The following ATG9A variants were observed in gnomAD, a reference collection of about 807,000 sequenced individuals.
The protein encoded by ATG9A is autophagy-related protein 9A.
In ATG9A, 21 loss-of-function variants were observed where a neutral mutation model predicts 87.1. That is an observed-to-expected ratio of 0.24 (90% CI 0.17 to 0.35). The LOEUF is 0.35. Among genes scored for constraint, ATG9A ranks in the 10% least tolerant of loss-of-function variants. The pLI is 1.00. For synonymous variants in ATG9A, 422 were observed against 441.3 expected (o/e 0.96, Z 0.55); for missense variants, 836 against 1,107.3 (o/e 0.76, Z 3.48).
chr2:219,220,967 G>C (rs1250207349), intron 14 of ATG9A, 75 bp from the exon 15 acceptor site: 1 of 1,596,760 alleles, frequency 6.3e-7, no homozygotes, highest in Non-Finnish European at 8.6e-7. Flanking sequence ...GGGGCTGCTT[G>C]GGGGGTGAGT....
chr2:219,221,377 C>A lies in ATG9A; in HGVS notation c.2146-75G>T, dbSNP rs1367330194. On this transcript the variant is annotated intron_variant, in intron 13 of 15. Coordinates refer to ENST00000361242, the MANE Select transcript of ATG9A (RefSeq NM_001077198.3). ...AAACAGCTGCCCTCCAACCTGGTAT[C>A]AGTCAGTTCCCGCTTTACCCCTTCC... The A allele has an allele frequency of 4.4e-6, 6 of 1,369,668 alleles. No individual in the cohort carries two copies. In the African/African-American group the frequency reaches 8.8e-5, roughly 20 times the overall value. 84.8% of individuals were successfully genotyped at this position (1,369,668 alleles called of 1,614,324 possible). A position where few individuals can be genotyped will look rare whatever the true frequency, so the allele number is the denominator to read the frequency against.
At chr2:219,221,655 G>A (rs570605502) in intron 13 of ATG9A, among the ~76,000 whole-genome samples, 4 of 152,152 alleles carry the variant, frequency 2.6e-5, no homozygotes, top group Non-Finnish European at 1.5e-5. Context: ...ACTGGTAGAG[G>A]AGATATGGAA....
At position 219,223,645 on chromosome 2, in the gene ATG9A, A is replaced by G; in HGVS notation, c.1539T>C (p.Val513=). 6.2e-7 allele frequency: 1 copy of G among 1,613,852 alleles called. No homozygotes were observed. Among genetic ancestry groups the G allele is most frequent in the Non-Finnish European group, 8.5e-7 (1 of 1,179,960 alleles). Residue 513 remains valine (V), a synonymous_variant, in exon 10 of 16, where the codon GTT becomes GTC. Transcript: ENST00000361242. This position sits in a 1 kb window ranked among gnomAD's most constrained non-coding sequence, Gnocchi z 4.7. ...CAAAGGAGCAGGTATCTCCCACACC[A>G]ACGACCTCCACGGTGAAGTTTCGGA... ...DFFRNFTVEV[V]GVGDTCSFAQ... is the part of the protein sequence containing the mutation.
At position 219,223,548 on chromosome 2, in the gene ATG9A, T is replaced by A. The variant is rs1283673808; in HGVS notation, c.1599+37A>T. 7 of 1,560,272 alleles carry A rather than the reference T, an allele frequency of 4.5e-6. No individual in the cohort carries two copies. Among genetic ancestry groups the A allele is most frequent in the Non-Finnish European group, 6.1e-6 (7 of 1,153,932 alleles). Reference sequence around the variant, plus strand: ...CCCAAAGACACTGTATGTTCCAGCATCATCCCAGGCCACCTGGCTCCCTCC... The same window carrying A: ...CCCAAAGACACTGTATGTTCCAGCAACATCCCAGGCCACCTGGCTCCCTCC... On this transcript the variant is annotated intron_variant, in intron 10 of 15. Transcript: ENST00000361242. The surrounding 1 kb of genome is among the most constrained non-coding windows in gnomAD (Gnocchi z 4.7).
chr2:219,223,516 C>T lies in ATG9A; in HGVS notation c.1599+69G>A, dbSNP rs1950805699. ...GTGACTCAGGAGAGGTGTCTTTTTG[C>T]GGTTTTCCCAAAGACACTGTATGTT... On this transcript the variant is annotated intron_variant, in intron 10 of 15. Coordinates refer to ENST00000361242, the MANE Select transcript of ATG9A (RefSeq NM_001077198.3). This position sits in a 1 kb window ranked among gnomAD's most constrained non-coding sequence, Gnocchi z 4.7. 1.0e-5 allele frequency: 15 copies of T among 1,489,548 alleles called. No individual in the cohort carries two copies. Among genetic ancestry groups the T allele is most frequent in the African/African-American group, 4.2e-5 (3 of 71,164 alleles). 92.3% of individuals were successfully genotyped at this position (1,489,548 alleles called of 1,614,324 possible). A position where few individuals can be genotyped will look rare whatever the true frequency, so the allele number is the denominator to read the frequency against.
Position 219,229,561 on chromosome 2 carries a change from C to G in ATG9A, c.-108G>C, listed in dbSNP as rs376296382. 7.9e-5 allele frequency: 12 copies of G among 152,810 alleles called. No homozygotes were observed. Among genetic ancestry groups the G allele is most frequent in the African/African-American group, 2.9e-4 (12 of 41,546 alleles). The allele number at this position is 152,810 out of a possible 1,614,324, so 9.5% of individuals were successfully genotyped here. The stretch of plus-strand genomic sequence containing the variant: ...TCAGGAACAGCGACCCGGGTGATTC[C>G]AGAGGCTCCGCCGGCTCCGCTCGGC... On this transcript the variant is annotated 5_prime_UTR_variant, in exon 1 of 16. Transcript: ENST00000361242. This position sits in a 1 kb window ranked among gnomAD's most constrained non-coding sequence, Gnocchi z 4.2.
chr2:219,226,367 G>T (rs1320724066), intron 5 of ATG9A, among the ~76,000 whole-genome samples: 2 of 152,236 alleles, frequency 1.3e-5, no homozygotes, highest in Admixed American at 1.3e-4. Context: ...TCATGGAAGA[G>T]ATAAGGCTTG....
At chr2:219,228,084 T>C in intron 2 of ATG9A, 31 bp from the exon 3 acceptor site, 3 of 1,498,682 alleles carry the variant, frequency 2.0e-6, no homozygotes, top group South Asian at 1.2e-5. Context: ...GAGACCCTGA[T>C]TCAGTTCCAG....
In ATG9A at chr2:219,222,218, A is replaced by T; in HGVS notation, c.2028-51T>A. On this transcript the variant is annotated intron_variant, in intron 12 of 15. Coordinates refer to ENST00000361242, the MANE Select transcript of ATG9A (RefSeq NM_001077198.3). The surrounding 1 kb of genome is among the most constrained non-coding windows in gnomAD (Gnocchi z 4.3). ...GCAGCTGTGAACTTCTCTGAGACCC[A>T]CACAAGCTGCTGAGGGCTGCCGTGC... The T allele has an allele frequency of 6.2e-7, 1 of 1,613,168 alleles. No homozygotes were observed. Among genetic ancestry groups the T allele is most frequent in the Non-Finnish European group, 8.5e-7 (1 of 1,179,634 alleles).
chr2:219,224,815 G>T lies in ATG9A; in HGVS notation c.556C>A (p.Arg186=). ...TGCTCCTTCTGCGTCTGCACGATCC[G>T]GGCCTGCACTTCTTGCCACGTGCAA... ...PYCTWQEVQA[R]IVQTQKEHQI... is the part of the protein sequence containing the mutation. The change falls in exon 8 of 16, where the codon CGG becomes AGG. Residue 186 remains arginine (R), a synonymous_variant. Transcript: ENST00000361242. The surrounding 1 kb of genome is among the most constrained non-coding windows in gnomAD (Gnocchi z 7.7). The T allele has an allele frequency of 6.2e-7, 1 of 1,614,124 alleles. No individual in the cohort carries two copies. Among genetic ancestry groups the T allele is most frequent in the South Asian group, 1.1e-5 (1 of 91,088 alleles).
In ATG9A at chr2:219,222,365, C is replaced by T. The variant is rs1308199743; in HGVS notation, c.1934G>A (p.Arg645Lys). 4 of 1,612,116 alleles carry T rather than the reference C, an allele frequency of 2.5e-6. No individual in the cohort carries two copies. In the African/African-American group the frequency reaches 5.3e-5, roughly 22 times the overall value. Residue 645 changes from arginine to lysine, a missense_variant, in exon 12 of 16, where the codon AGG becomes AAG. This residue lies in a region of ATG9A where 324 missense variants were observed against 347.6 expected (regional missense o/e 0.93). Coordinates refer to ENST00000361242, the MANE Select transcript of ATG9A (RefSeq NM_001077198.3). This position sits in a 1 kb window ranked among gnomAD's most constrained non-coding sequence, Gnocchi z 4.3. ...LPRDLQGSRHRAEVASALRSF... is the reference protein window; with the variant it reads ...LPRDLQGSRHKAEVASALRSF... ...GCGCAGGGCAGAGGCGACTTCAGCC[C>T]TGTGCCTGGAGCCCTGCAGGTCTCT...
Position 219,221,213 on chromosome 2 carries a change from TTCA to T in ATG9A, c.2232_2234del (p.Asp744del), listed in dbSNP as rs752215303. On this transcript the variant is annotated inframe_deletion, in exon 14 of 16. Transcript: ENST00000361242. ...GGGGGGCCCGGGCGCCCTCTCCCCC[TTCA>T]TCAGGGGCGCTTTCTCCACTCTCAT... 18 of 1,590,360 alleles carry T rather than the reference TTCA, an allele frequency of 1.1e-5. No individual in the cohort carries two copies. In the Admixed American group the frequency reaches 2.8e-4, roughly 25 times the overall value.
rs1398051860 is a variant in ATG9A, at chr2:219,223,278, AG to A, written c.1599+306del. ...AATTTTTTTGTATTTTTAGTAGAGAAGGGGTTTCACCGTGTTAGCCAGGATG... is the reference window on the plus strand; with the variant it reads ...AATTTTTTTGTATTTTTAGTAGAGAAGGGTTTCACCGTGTTAGCCAGGATG... On this transcript the variant is annotated intron_variant, in intron 10 of 15. Transcript: ENST00000361242. This position sits in a 1 kb window ranked among gnomAD's most constrained non-coding sequence, Gnocchi z 4.7. 6.6e-6 allele frequency among the ~76,000 whole-genome samples: 1 copy of A among 151,820 alleles called. No homozygotes were observed. The highest frequency in any genetic ancestry group is 1.5e-5 in the Non-Finnish European group (1 of 67,948).
Position 219,220,743 on chromosome 2 carries a change from T to C in ATG9A, c.2514+4A>G, listed in dbSNP as rs1383097448. 2 of 1,612,280 alleles carry C rather than the reference T, an allele frequency of 1.2e-6. No individual in the cohort carries two copies. The highest frequency in any genetic ancestry group is 2.7e-5 in the African/African-American group (2 of 74,816). On this transcript the variant is annotated splice_donor_region_variant and intron_variant, in intron 15 of 15. Transcript: ENST00000361242. Reference sequence around the variant, plus strand: ...CAGTTTTTCCTAGGCCCCGGGGCCCTTACCTTGTGCACCTGAGGGGGTAGC... The same window carrying C: ...CAGTTTTTCCTAGGCCCCGGGGCCCCTACCTTGTGCACCTGAGGGGGTAGC...
chr2:219,221,654 G>A (rs1270480229), intron 13 of ATG9A, among the ~76,000 whole-genome samples: 1 of 152,120 alleles, frequency 6.6e-6, no homozygotes, highest in African/African-American at 2.4e-5. Context: ...TACTGGTAGA[G>A]GAGATATGGA....
Position 219,221,207 on chromosome 2 carries a change from T to TC in ATG9A, c.2240dup (p.Glu748ArgfsTer14), listed in dbSNP as rs1471014013. ...TAGACTGGGGGGCCCGGGCGCCCTCTCCCCCTTCATCAGGGGCGCTTTCTC... is the reference window on the plus strand; with the variant it reads ...TAGACTGGGGGGCCCGGGCGCCCTCTCCCCCCTTCATCAGGGGCGCTTTCTC... On this transcript the variant is annotated frameshift_variant, in exon 14 of 16. Transcript: ENST00000361242. LOFTEE classifies it high-confidence loss of function. The TC allele has an allele frequency of 6.3e-7, 1 of 1,589,710 alleles. No individual in the cohort carries two copies. The highest frequency in any genetic ancestry group is 8.6e-7 in the Non-Finnish European group (1 of 1,168,422).
intron 13 of ATG9A, among the ~76,000 whole-genome samples, chr2:219,221,842 G>A (rs1950766993): frequency 6.6e-6 from 1 of 152,124 alleles, no homozygotes; most frequent in Non-Finnish European, 1.5e-5. Flanking sequence ...AGGCCATCTG[G>A]ATATCCCAGG....
rs930191531 is a variant in ATG9A, at chr2:219,223,390, G to A, written c.1599+195C>T. On this transcript the variant is annotated intron_variant, in intron 10 of 15. Coordinates refer to ENST00000361242, the MANE Select transcript of ATG9A (RefSeq NM_001077198.3). This position sits in a 1 kb window ranked among gnomAD's most constrained non-coding sequence, Gnocchi z 4.7. ...GACGTGAGCCACCGCGCCTGGCCGT[G>A]TTGTGCCTTTCTTAAGGGAGCTTGG... is the stretch of plus-strand genomic sequence containing the variant. Among the ~76,000 whole-genome samples, 13 of 152,120 alleles carry A rather than the reference G, an allele frequency of 8.5e-5. No individual in the cohort carries two copies. Among genetic ancestry groups the A allele is most frequent in the Non-Finnish European group, 1.5e-4 (10 of 68,030 alleles).
chr2:219,220,567 AG>A, intron 15 of ATG9A, 115 bp from the exon 16 acceptor site: 1 of 1,535,974 alleles, frequency 6.5e-7, no homozygotes, highest in Non-Finnish European at 8.9e-7. Flanking sequence ...TGGGGAGGTA[AG>A]GTAAGGAAAA....
Sources: gnomAD v4.1 joint callset for allele counts (sites outside exome capture counted in the v4.1 genomes callset) on GRCh38, gnomAD v4.1.1 for gene constraint, gnomAD v4.1.1 regional missense constraint, Gnocchi (gnomAD v3.1) non-coding constraint, MANE v1.5 for transcripts, NCBI Gene and HGNC (gene_info 2026-07-23, HGNC 2026-07-21) for gene names.